The following BCL11B variants were observed in gnomAD, a reference collection of about 807,000 sequenced individuals.
The protein encoded by BCL11B is BCL11 transcription factor B.
Under a neutral mutation model 49.9 loss-of-function variants are expected in BCL11B, and 8 were observed. That is an observed-to-expected ratio of 0.16 (90% CI 0.09 to 0.29). The LOEUF is 0.29. Among genes scored for constraint, BCL11B ranks in the 10% least tolerant of loss-of-function variants. The probability of loss-of-function intolerance (pLI) is 1.00; values close to 1 mark genes in which losing one functional copy is unlikely to be tolerated. For synonymous variants in BCL11B, 739 were observed against 637.4 expected, an observed-to-expected ratio of 1.16 and a Z score of -2.40; for missense variants, 1,006 against 1,351.0, an observed-to-expected ratio of 0.74 and a Z score of 4.00.
intron 3 of BCL11B, among the ~76,000 whole-genome samples, chr14:99,190,587 A>G (rs545534089): frequency 1.3e-5 from 2 of 152,170 alleles, no homozygotes; most frequent in South Asian, 4.2e-4. Context: ...AACAATGGGG[A>G]AAAAAATCTC....
intron 3 of BCL11B, among the ~76,000 whole-genome samples, chr14:99,214,279 G>A (rs919594019): frequency 3.9e-5 from 6 of 152,164 alleles, no homozygotes; most frequent in African/African-American, 1.4e-4. Flanking sequence ...GTGGCCAGGT[G>A]TGGTGGCTCA....
intron 3 of BCL11B, among the ~76,000 whole-genome samples, chr14:99,217,211 T>C (rs2139856319): frequency 6.6e-6 from 1 of 152,238 alleles, no homozygotes; most frequent in South Asian, 2.1e-4. Context: ...CATGCTCACA[T>C]ATACACTCAG....
At chr14:99,251,847 C>T (rs549818253) in intron 2 of BCL11B, among the ~76,000 whole-genome samples, 1 of 152,272 alleles carries the variant, frequency 6.6e-6, no homozygotes, top group African/African-American at 2.4e-5. Flanking sequence ...AGTTAGAATA[C>T]CCATCCCCAA....
intron 2 of BCL11B, among the ~76,000 whole-genome samples, chr14:99,236,829 A>G (rs755388084): frequency 6.6e-6 from 1 of 152,240 alleles, no homozygotes; most frequent in South Asian, 2.1e-4. Flanking sequence ...CTGCACGCTC[A>G]TATTTTAACA....
chr14:99,176,128 C>T lies in BCL11B; in HGVS notation c.708G>A (p.Leu236=). 1 of 1,611,810 alleles carries T rather than the reference C, an allele frequency of 6.2e-7. No individual in the cohort carries two copies. Among genetic ancestry groups the T allele is most frequent in the East Asian group, 2.2e-5 (1 of 44,692 alleles). ...CGTGCGTGTTCTGCGCGTGCTGCAG[C>T]AGGAACCACGCGCTGTTGAAGGGCT... ...CKQPFNSAWF[L]LQHAQNTHGF... is the part of the protein sequence containing the mutation. Residue 236 remains leucine, a synonymous_variant, in exon 4 of 4, where the codon CTG becomes CTA. Transcript: ENST00000357195.
At chr14:99,191,141 G>T (rs1014529787) in intron 3 of BCL11B, among the ~76,000 whole-genome samples, 1 of 152,150 alleles carries the variant, frequency 6.6e-6, no homozygotes, top group Admixed American at 6.5e-5. Context: ...CTCAACTGAG[G>T]GTTGTTTTGC....
At position 99,175,036 on chromosome 14, in the gene BCL11B, C is replaced by A. The variant is rs1395942095; in HGVS notation, c.1800G>T (p.Glu600Asp). Reference protein sequence around the residue: ...EKALVLGKVMENVGLGALPQY... With the variant: ...EKALVLGKVMDNVGLGALPQY... ...GCGGCAGTGCGCCTAGGCCCACGTT[C>A]TCCATGACCTTGCCCAGCACCAGCG... The change falls in exon 4 of 4, where the codon GAG becomes GAT. Residue 600 changes from glutamate (E) to aspartate (D), a missense_variant. Coordinates refer to ENST00000357195, the MANE Select transcript of BCL11B (RefSeq NM_138576.4). The A allele has an allele frequency of 3.8e-6, 6 of 1,597,498 alleles. 1 individual carries two copies. Among genetic ancestry groups the A allele is most frequent in the African/African-American group, 1.3e-5 (1 of 74,674 alleles).
intron 3 of BCL11B, among the ~76,000 whole-genome samples, chr14:99,224,132 T>C (rs1008127571): frequency 6.6e-6 from 1 of 152,152 alleles, no homozygotes; most frequent in Non-Finnish European, 1.5e-5. Flanking sequence ...AGGTACCATA[T>C]CAGAGTTTGA....
intron 2 of BCL11B, among the ~76,000 whole-genome samples, chr14:99,246,466 AG>A (rs2139928606): frequency 6.6e-6 from 1 of 152,308 alleles, no homozygotes; most frequent in East Asian, 1.9e-4. Context: ...GCGCGCCCGC[AG>A]GCCTGGGAAC....
chr14:99,194,713 G>A lies in BCL11B; in HGVS notation c.641-18518C>T, dbSNP rs1887130698. Among the ~76,000 whole-genome samples, 1 of 152,200 alleles carries A rather than the reference G, an allele frequency of 6.6e-6. No homozygotes were observed. Among genetic ancestry groups the A allele is most frequent in the Admixed American group, 6.5e-5 (1 of 15,286 alleles). On this transcript the variant is annotated intron_variant, in intron 3 of 3. Coordinates refer to ENST00000357195, the MANE Select transcript of BCL11B (RefSeq NM_138576.4). The surrounding 1 kb of genome is among the most constrained non-coding windows in gnomAD (Gnocchi z 4.6). ...ACCAGGTTGCGTGGCTGGTCCTACA[G>A]GAAGTGAAGGAGCTGGGACCCAGGC...
rs2139760075 is a variant in BCL11B at position 99,175,680 on chromosome 14, T to G, written c.1156A>C (p.Asn386His). Reference protein sequence around the residue: ...TPPPVSPGRGNPMHRLLNPFQ... With the variant: ...TPPPVSPGRGHPMHRLLNPFQ... The stretch of plus-strand genomic sequence containing the variant: ...GGGTTCAGGAGCCGGTGCATAGGGT[T>G]GCCGCGGCCCGGGGACACGGGCGGC... Residue 386 changes from asparagine to histidine, a missense_variant, in exon 4 of 4, where the codon AAC becomes CAC. This residue lies in a region of BCL11B where 97 missense variants were observed against 81.5 expected (regional missense o/e 1.19). Coordinates refer to ENST00000357195, the MANE Select transcript of BCL11B (RefSeq NM_138576.4). 6 of 1,536,848 alleles carry G rather than the reference T, an allele frequency of 3.9e-6. No individual in the cohort carries two copies. Among genetic ancestry groups the G allele is most frequent in the Non-Finnish European group, 5.2e-6 (6 of 1,155,288 alleles).
chr14:99,185,044 G>C (rs1389980752), intron 3 of BCL11B, among the ~76,000 whole-genome samples: 1 of 152,196 alleles, frequency 6.6e-6, no homozygotes, highest in Non-Finnish European at 1.5e-5. Flanking sequence ...GTGGGGGTCA[G>C]GGAGTGGGAG....
rs58173063 is a variant in BCL11B, at chr14:99,255,542, G to C, written c.427+1929C>G. ...CTTTCTTAAACAAACCTGCCACAGT[G>C]ATCTGCAGCCTCTCATTGGGAAATG... On this transcript the variant is annotated intron_variant, in intron 2 of 3. Transcript: ENST00000357195. 9.6e-3 allele frequency among the ~76,000 whole-genome samples: 1,458 copies of C among 152,116 alleles called. 19 individuals carry two copies. The highest frequency in any genetic ancestry group is 0.033 in the African/African-American group (1,373 of 41,470).
At chr14:99,204,450 G>A (rs1028198938) in intron 3 of BCL11B, among the ~76,000 whole-genome samples, 1 of 152,216 alleles carries the variant, frequency 6.6e-6, no homozygotes, top group African/African-American at 2.4e-5. Flanking sequence ...CAGCCTTGGG[G>A]TAGGGGGGAG....
At chr14:99,244,487 G>A (rs1470335033) in intron 2 of BCL11B, among the ~76,000 whole-genome samples, 1 of 152,132 alleles carries the variant, frequency 6.6e-6, no homozygotes, top group Non-Finnish European at 1.5e-5. Context: ...GTTCGTTTTG[G>A]ACCATTATGA....
At chr14:99,185,653 G>C (rs888504311) in intron 3 of BCL11B, among the ~76,000 whole-genome samples, 7 of 152,068 alleles carry the variant, frequency 4.6e-5, no homozygotes, top group African/African-American at 1.5e-4. Context: ...TGCAACCGGA[G>C]AGGCAAATAT....
intron 1 of BCL11B, among the ~76,000 whole-genome samples, chr14:99,258,685 G>A (rs1015578419): frequency 3.9e-5 from 6 of 152,114 alleles, no homozygotes; most frequent in Non-Finnish European, 7.4e-5. Context: ...CCCGAGGCCC[G>A]GTCAGACTTC....
rs559691191 is a variant in BCL11B at position 99,268,576 on chromosome 14, T to A, written c.58+2585A>T. On this transcript the variant is annotated intron_variant, in intron 1 of 3. Transcript: ENST00000357195. ...CCTGCATCATTTGTGGAGAGGCACT[T>A]CCAGAGGCCAGAGAGGCTAAAGTGC... Among the ~76,000 whole-genome samples the A allele has an allele frequency of 7.0e-4, 107 of 152,178 alleles. 1 individual carries two copies. Among genetic ancestry groups the A allele is most frequent in the African/African-American group, 2.5e-3 (103 of 41,528 alleles).
rs1889194139 is a variant in BCL11B at position 99,257,327 on chromosome 14, C to T, written c.427+144G>A. On this transcript the variant is annotated intron_variant, in intron 2 of 3. Coordinates refer to ENST00000357195, the MANE Select transcript of BCL11B (RefSeq NM_138576.4). The surrounding 1 kb of genome is among the most constrained non-coding windows in gnomAD (Gnocchi z 6.2). ...CTGAAGGTCACCTGGATGGTGGACCCTCAGAAAGGGGGAGCCCCGGCTGGT... is the reference window on the plus strand; with the variant it reads ...CTGAAGGTCACCTGGATGGTGGACCTTCAGAAAGGGGGAGCCCCGGCTGGT... The T allele has an allele frequency of 1.5e-5, 17 of 1,165,194 alleles. No homozygotes were observed. In the South Asian group the frequency reaches 3.3e-4, roughly 23 times the overall value. The allele number at this position is 1,165,194 out of a possible 1,614,324, so 72.2% of individuals were successfully genotyped here.
Sources: allele counts gnomAD v4.1 joint callset (sites outside exome capture counted in the v4.1 genomes callset), GRCh38; gene constraint gnomAD v4.1.1; regional missense constraint gnomAD v4.1.1; non-coding constraint Gnocchi (gnomAD v3.1); transcripts MANE v1.5; gene names NCBI Gene and HGNC (gene_info 2026-07-23, HGNC 2026-07-21).